The following ABHD12 variants were observed in gnomAD, a reference collection of about 807,000 sequenced individuals.
The protein encoded by ABHD12 is lysophosphatidylserine lipase ABHD12.
Under a neutral mutation model 58.3 loss-of-function variants are expected in ABHD12, and 43 were observed. The observed-to-expected ratio is 0.74, with a 90% confidence interval of 0.58 to 0.95. The LOEUF (loss-of-function observed/expected upper bound fraction) is 0.95, where lower values mean the gene tolerates loss of function less well. Among genes scored for constraint, ABHD12 ranks in the 40% least tolerant of loss-of-function variants. The probability of loss-of-function intolerance (pLI) is 0.00; values close to 1 mark genes in which losing one functional copy is unlikely to be tolerated. For synonymous variants in ABHD12, 219 were observed against 211.2 expected (o/e 1.04, Z -0.32); for missense variants, 539 against 537.2 (o/e 1.00, Z -0.03).
chr20:25,359,381 G>C (rs1244469255), intron 1 of ABHD12, among the ~76,000 whole-genome samples: 4 of 130,548 alleles, frequency 3.1e-5, no homozygotes, highest in African/African-American at 5.8e-5. Context: ...CCGAGATTGC[G>C]CCACTGCACT....
chr20:25,311,079 T>C (rs544445239), intron 6 of ABHD12, among the ~76,000 whole-genome samples: 46 of 152,292 alleles, frequency 3.0e-4, no homozygotes, highest in Non-Finnish European at 7.4e-5. Flanking sequence ...ACAACTGTCA[T>C]CCTGATGGAA....
At chr20:25,384,655 A>G (rs1568779433) in intron 1 of ABHD12, among the ~76,000 whole-genome samples, 1 of 152,094 alleles carries the variant, frequency 6.6e-6, no homozygotes, top group Non-Finnish European at 1.5e-5. Context: ...TGAGGTGCGA[A>G]GACCATTTGA....
intron 1 of ABHD12, among the ~76,000 whole-genome samples, chr20:25,389,204 C>A (rs1009327678): frequency 1.3e-5 from 2 of 152,140 alleles, no homozygotes; most frequent in African/African-American, 2.4e-5. Context: ...GTTTTTAATG[C>A]AGATAAATCT....
intron 1 of ABHD12, among the ~76,000 whole-genome samples, chr20:25,352,947 G>A (rs934355048): frequency 6.6e-6 from 1 of 152,142 alleles, no homozygotes; most frequent in Non-Finnish European, 1.5e-5. Context: ...TGAAGGCTGA[G>A]TCTGTAGTGA....
chr20:25,322,594 AG>A (rs2089099949), intron 3 of ABHD12, among the ~76,000 whole-genome samples: 1 of 151,012 alleles, frequency 6.6e-6, no homozygotes, highest in Admixed American at 6.6e-5. Flanking sequence ...CATGTTGTTT[AG>A]GGTGGTCTCG....
chr20:25,385,653 T>C (rs1472269901), intron 1 of ABHD12, among the ~76,000 whole-genome samples: 5 of 151,398 alleles, frequency 3.3e-5, no homozygotes, highest in Non-Finnish European at 7.4e-5. Context: ...AAGACCAGCC[T>C]AGGCAACGTG....
intron 2 of ABHD12, among the ~76,000 whole-genome samples, chr20:25,325,833 G>A (rs2089165283): frequency 6.6e-6 from 1 of 152,100 alleles, no homozygotes; most frequent in Admixed American, 6.5e-5. Context: ...CACTTTGGGA[G>A]GCCGAGGCAG....
chr20:25,299,397 C>T (rs764561178), downstream of ABHD12, among the ~76,000 whole-genome samples: 2 of 150,080 alleles, frequency 1.3e-5, no homozygotes, highest in Non-Finnish European at 3.0e-5. Flanking sequence ...GAGACTGTCT[C>T]AAAAAAACAA....
intron 1 of ABHD12, among the ~76,000 whole-genome samples, chr20:25,358,980 G>A (rs2146081310): frequency 6.6e-6 from 1 of 151,718 alleles, no homozygotes; most frequent in East Asian, 1.9e-4. Flanking sequence ...TAACCAAAAT[G>A]TTAACAATAG....
chr20:25,296,394 G>A, downstream of ABHD12: 3 of 1,614,072 alleles, frequency 1.9e-6, no homozygotes, highest in East Asian at 2.2e-5. Flanking sequence ...GACCAAGAAG[G>A]TCATCAGGAA....
intron 5 of ABHD12, among the ~76,000 whole-genome samples, chr20:25,315,244 C>T (rs542836543): frequency 5.3e-5 from 8 of 152,128 alleles, no homozygotes; most frequent in Admixed American, 1.3e-4. Context: ...GAGCAGTGTC[C>T]GGCCGCAGCT....
At position 25,356,951 on chromosome 20, in the gene ABHD12, A is replaced by G. The variant is rs117052170; in HGVS notation, c.192-17600T>C. 8.1e-4 allele frequency among the ~76,000 whole-genome samples: 124 copies of G among 152,336 alleles called. No individual in the cohort carries two copies. In the East Asian group the frequency reaches 0.012, roughly 15 times the overall value. On this transcript the variant is annotated intron_variant, in intron 1 of 12. Transcript: ENST00000339157. ...GGAGCTCAAGGCCAGCCTGGGCAAT[A>G]TAACAAGACTCTGCTCTCTACAAAT...
Position 25,303,901 on chromosome 20 carries a change from A to G in ABHD12, c.951-273T>C, listed in dbSNP as rs141825970. ...ATGATTATTTTTCCACCAGATATAT[A>G]TATTTTTAAGCGGAATAATTCAGGT... On this transcript the variant is annotated intron_variant, in intron 10 of 12. Transcript: ENST00000339157. 1.3e-3 allele frequency among the ~76,000 whole-genome samples: 204 copies of G among 152,366 alleles called. 2 individuals carry two copies. The highest frequency in any genetic ancestry group is 4.5e-3 in the African/African-American group (187 of 41,584).
intron 10 of ABHD12, 26 bp from the exon 11 acceptor site, chr20:25,303,654 C>CA (rs1204276118): frequency 2.5e-6 from 4 of 1,612,732 alleles, no homozygotes; most frequent in African/African-American, 2.7e-5. Flanking sequence ...GGGGCTAGAC[C>CA]AAGACCAGGG....
At chr20:25,360,905 A>G (rs2089737806) in intron 1 of ABHD12, among the ~76,000 whole-genome samples, 1 of 152,236 alleles carries the variant, frequency 6.6e-6, no homozygotes, top group Non-Finnish European at 1.5e-5. Context: ...GAGACTGAAG[A>G]TTTATTCTCT....
intron 9 of ABHD12, among the ~76,000 whole-genome samples, chr20:25,307,347 T>C (rs904910812): frequency 6.6e-6 from 1 of 152,118 alleles, no homozygotes; most frequent in African/African-American, 2.4e-5. Context: ...GCTCTTCTGG[T>C]TGGTAACAGA....
At chr20:25,388,917 G>A (rs1426794969) in intron 1 of ABHD12, among the ~76,000 whole-genome samples, 3 of 149,122 alleles carry the variant, frequency 2.0e-5, no homozygotes, top group African/African-American at 4.9e-5. Context: ...CGATTCTCCC[G>A]CCTCAGCCTC....
At chr20:25,314,479 A>T (rs1004423655) in intron 6 of ABHD12, among the ~76,000 whole-genome samples, 1 of 151,998 alleles carries the variant, frequency 6.6e-6, no homozygotes, top group East Asian at 1.9e-4. Flanking sequence ...GGAGTCTGAG[A>T]CTAGCCTAGG....
intron 6 of ABHD12, among the ~76,000 whole-genome samples, chr20:25,314,636 GCTACTGTA>G (rs1416029670): frequency 6.6e-6 from 1 of 151,110 alleles, no homozygotes; most frequent in Non-Finnish European, 1.5e-5. Context: ...CTACAATCAT[GCTACTGTA>G]CTCCAGGTTG....
Sources: allele counts gnomAD v4.1 joint callset (sites outside exome capture counted in the v4.1 genomes callset), GRCh38; gene constraint gnomAD v4.1.1; transcripts MANE v1.5; gene names NCBI Gene and HGNC (gene_info 2026-07-23, HGNC 2026-07-21).